The following TOX variants were observed in gnomAD, a reference collection of about 807,000 sequenced individuals.
TOX encodes the protein thymocyte selection-associated high mobility group box protein TOX.
A neutral mutation model predicts 53.7 loss-of-function variants in TOX; 11 were observed. The observed-to-expected ratio is 0.20, with a 90% CI of 0.13 to 0.34. The LOEUF (loss-of-function observed/expected upper bound fraction) is 0.34. Ranked by LOEUF, TOX falls within the 10% of genes least tolerant of loss-of-function variation. The pLI, the probability that TOX is intolerant of heterozygous loss-of-function variation, is 1.00. For missense variants in TOX, 570 were observed against 664.6 expected (o/e 0.86, Z 1.56); for synonymous variants, 225 against 245.3 (o/e 0.92, Z 0.77).
At chr8:59,087,507 G>A (rs995664355) in intron 1 of TOX, among the ~76,000 whole-genome samples, 6 of 152,054 alleles carry the variant, frequency 3.9e-5, no homozygotes, top group African/African-American at 1.5e-4. Context: ...TAATTCATAG[G>A]ACTCCAGGTC....
chr8:59,010,215 A>C (rs1377852174), intron 1 of TOX, among the ~76,000 whole-genome samples: 5 of 152,248 alleles, frequency 3.3e-5, no homozygotes, highest in African/African-American at 1.2e-4. Context: ...AAATGAGGAT[A>C]CAAAGCATAC....
At chr8:59,065,565 C>T (rs1175817039) in intron 1 of TOX, among the ~76,000 whole-genome samples, 2 of 152,098 alleles carry the variant, frequency 1.3e-5, no homozygotes, top group Non-Finnish European at 1.5e-5. Flanking sequence ...TGACCCCTTC[C>T]TTTTACAAAT....
chr8:58,855,525 A>T (rs1169594408), intron 3 of TOX, among the ~76,000 whole-genome samples: 1 of 152,094 alleles, frequency 6.6e-6, no homozygotes, highest in Non-Finnish European at 1.5e-5. Context: ...TGAAACATCA[A>T]TTATTTCCAT....
At chr8:59,093,646 A>T (rs559421657) in intron 1 of TOX, among the ~76,000 whole-genome samples, 19 of 152,332 alleles carry the variant, frequency 1.2e-4, no homozygotes, top group Non-Finnish European at 1.5e-4. Flanking sequence ...TGCAAAGTAT[A>T]AGTTTTTCTG....
At chr8:58,888,392 G>A (rs972658969) in intron 3 of TOX, among the ~76,000 whole-genome samples, 1 of 151,934 alleles carries the variant, frequency 6.6e-6, no homozygotes. Flanking sequence ...AAACACTACT[G>A]AAGGTCACAA....
intron 2 of TOX, among the ~76,000 whole-genome samples, chr8:58,945,295 A>G (rs550438210): frequency 6.6e-6 from 1 of 152,348 alleles, no homozygotes; most frequent in East Asian, 1.9e-4. Context: ...TTCTCTGGGC[A>G]ATTCTTGGCA....
At chr8:58,957,173 G>C (rs16924325) in intron 2 of TOX, among the ~76,000 whole-genome samples, 9,671 of 152,234 alleles carry the variant, frequency 0.064, 376 homozygotes, top group East Asian at 0.21. Context: ...CCTTTAGCCA[G>C]GGTTTGGAAA....
At chr8:58,996,984 T>G (rs1166199224) in intron 1 of TOX, among the ~76,000 whole-genome samples, 4 of 152,230 alleles carry the variant, frequency 2.6e-5, no homozygotes, top group African/African-American at 9.6e-5. Flanking sequence ...GTTGATTTCC[T>G]ACCTAAGTAG....
At chr8:58,873,179 A>G (rs1811225910) in intron 3 of TOX, among the ~76,000 whole-genome samples, 1 of 152,126 alleles carries the variant, frequency 6.6e-6, no homozygotes, top group African/African-American at 2.4e-5. Flanking sequence ...AACTGATTAA[A>G]CCTGCATGCA....
chr8:58,863,029 A>G (rs550833886), intron 3 of TOX, among the ~76,000 whole-genome samples: 2 of 152,290 alleles, frequency 1.3e-5, no homozygotes, highest in South Asian at 2.1e-4. Context: ...AATTTGAATT[A>G]TCTATCATTT....
intron 1 of TOX, among the ~76,000 whole-genome samples, chr8:59,042,744 T>C (rs1303765117): frequency 6.6e-6 from 1 of 152,230 alleles, no homozygotes; most frequent in Non-Finnish European, 1.5e-5. Flanking sequence ...AAATATTGTA[T>C]ACCAGAACTT....
intron 4 of TOX, among the ~76,000 whole-genome samples, chr8:58,842,496 T>A (rs1810662112): frequency 1.3e-5 from 2 of 152,224 alleles, no homozygotes; most frequent in South Asian, 4.1e-4. Context: ...CTTTCAGGTA[T>A]TCTGTTACAG....
At chr8:59,092,293 T>TTATATATATTATATATTATATATACA (rs1184252514) in intron 1 of TOX, among the ~76,000 whole-genome samples, 19 of 113,494 alleles carry the variant, frequency 1.7e-4, no homozygotes, top group South Asian at 6.7e-4. Context: ...TATATATACA[T>TTATATATATTATATATTATATATACA]TATATATATT....
intron 4 of TOX, among the ~76,000 whole-genome samples, chr8:58,843,291 C>A (rs1810674487): frequency 6.6e-6 from 1 of 152,150 alleles, no homozygotes. Flanking sequence ...ATAAAATATT[C>A]ATTACTCAAG....
chr8:58,923,449 G>A (rs967864086), intron 3 of TOX, among the ~76,000 whole-genome samples: 1 of 152,028 alleles, frequency 6.6e-6, no homozygotes, highest in African/African-American at 2.4e-5. Context: ...CATCTGGGAG[G>A]GACAATGGTT....
At chr8:58,818,538 C>T (rs916324966) in intron 6 of TOX, among the ~76,000 whole-genome samples, 1 of 152,108 alleles carries the variant, frequency 6.6e-6, no homozygotes, top group Non-Finnish European at 1.5e-5. Flanking sequence ...ATGGTAGGGA[C>T]TTGAATTTCT....
chr8:58,971,521 A>G (rs1189580731), intron 1 of TOX, among the ~76,000 whole-genome samples: 1 of 152,210 alleles, frequency 6.6e-6, no homozygotes, highest in African/African-American at 2.4e-5. Flanking sequence ...AAAGCACTAT[A>G]CATATGGAAA....
At chr8:59,014,821 T>A (rs1346649857) in intron 1 of TOX, among the ~76,000 whole-genome samples, 1 of 152,158 alleles carries the variant, frequency 6.6e-6, no homozygotes, top group Non-Finnish European at 1.5e-5. Flanking sequence ...AATGCTAAAT[T>A]TACAAACATG....
At chr8:58,864,044 G>A (rs1180614322) in intron 3 of TOX, among the ~76,000 whole-genome samples, 1 of 152,082 alleles carries the variant, frequency 6.6e-6, no homozygotes, top group Admixed American at 6.6e-5. Flanking sequence ...ATAATTGACA[G>A]CAGACACACC....
Sources: allele counts gnomAD v4.1 joint callset (sites outside exome capture counted in the v4.1 genomes callset), GRCh38; gene constraint gnomAD v4.1.1; transcripts MANE v1.5; gene names NCBI Gene and HGNC (gene_info 2026-07-23, HGNC 2026-07-21).